ROBO1: variants seen among roughly 807,000 people sequenced by gnomAD.
ROBO1 encodes the protein roundabout homolog 1.
In ROBO1, 149 loss-of-function variants were observed where a neutral mutation model predicts 195.9. The ratio of observed to expected loss-of-function variants is 0.76; its 90% CI spans 0.67 to 0.87. The LOEUF (loss-of-function observed/expected upper bound fraction) is 0.87, where lower values mean the gene tolerates loss of function less well. Ranked by LOEUF, ROBO1 falls within the 40% of genes least tolerant of loss-of-function variation. The probability of loss-of-function intolerance (pLI) is 0.00; values close to 1 mark genes in which losing one functional copy is unlikely to be tolerated. For synonymous variants in ROBO1, 816 were observed against 733.2 expected (o/e 1.11, Z -1.82); for missense variants, 1,933 against 2,068.3 (o/e 0.93, Z 1.27).
At chr3:78,805,753 A>G (rs1207768497) in intron 4 of ROBO1, among the ~76,000 whole-genome samples, 2 of 152,140 alleles carry the variant, frequency 1.3e-5, no homozygotes, top group African/African-American at 2.4e-5. Flanking sequence ...GTTAAAATAT[A>G]CTCTAGATAT....
At chr3:79,763,620 G>T (rs905323370) in intron 1 of ROBO1, among the ~76,000 whole-genome samples, 2 of 152,084 alleles carry the variant, frequency 1.3e-5, no homozygotes, top group African/African-American at 4.8e-5. Flanking sequence ...TGGATCCTTA[G>T]CAGGCATCCT....
intron 4 of ROBO1, among the ~76,000 whole-genome samples, chr3:78,898,806 A>C: frequency 6.6e-6 from 1 of 152,176 alleles, no homozygotes; most frequent in Non-Finnish European, 1.5e-5. Flanking sequence ...AAGTCCATAC[A>C]TAAATTTTGT....
chr3:79,069,309 T>C (rs151194705), intron 3 of ROBO1, among the ~76,000 whole-genome samples: 168 of 152,008 alleles, frequency 1.1e-3, no homozygotes, highest in Middle Eastern at 3.4e-3. Context: ...CATTTATTGT[T>C]TTGGAACCTG....
At chr3:78,972,358 T>C (rs1057467665) in intron 3 of ROBO1, among the ~76,000 whole-genome samples, 2 of 152,192 alleles carry the variant, frequency 1.3e-5, no homozygotes, top group African/African-American at 2.4e-5. Context: ...CATAACATCA[T>C]ACCTTTCACA....
At chr3:79,174,267 C>A (rs560750639) in intron 2 of ROBO1, among the ~76,000 whole-genome samples, 1 of 151,904 alleles carries the variant, frequency 6.6e-6, no homozygotes, top group Non-Finnish European at 1.5e-5. Context: ...CTGAAGCCAG[C>A]GAGCCCACGA....
chr3:78,599,969 A>G (rs1559628432), intron 30 of ROBO1, 144 bp downstream of exon 30: 1 of 724,294 alleles, frequency 1.4e-6, no homozygotes, highest in Non-Finnish European at 2.4e-6. Context: ...AATTCTCAGA[A>G]CTTCAGTTTC....
intron 4 of ROBO1, among the ~76,000 whole-genome samples, chr3:78,872,735 A>C (rs1225246566): frequency 6.6e-6 from 1 of 152,186 alleles, no homozygotes; most frequent in Non-Finnish European, 1.5e-5. Flanking sequence ...TCACGTTATC[A>C]GTAAGCTCCC....
chr3:79,529,641 G>A (rs539453095), intron 2 of ROBO1, among the ~76,000 whole-genome samples: 2 of 152,324 alleles, frequency 1.3e-5, no homozygotes, highest in East Asian at 3.9e-4. Flanking sequence ...CAGGTGGGTA[G>A]TGGTAGTGTA....
intron 2 of ROBO1, among the ~76,000 whole-genome samples, chr3:79,129,791 T>G (rs967214793): frequency 1.3e-5 from 2 of 152,076 alleles, no homozygotes; most frequent in African/African-American, 4.8e-5. Context: ...CTAGGTTTTC[T>G]TCTAGGGTTT....
intron 2 of ROBO1, among the ~76,000 whole-genome samples, chr3:79,510,959 A>G (rs1180583749): frequency 6.6e-6 from 1 of 152,188 alleles, no homozygotes; most frequent in African/African-American, 2.4e-5. Context: ...CCTCAAAATC[A>G]TAATTGAGAT....
At chr3:79,020,451 G>A (rs1300974870) in intron 3 of ROBO1, among the ~76,000 whole-genome samples, 1 of 152,134 alleles carries the variant, frequency 6.6e-6, no homozygotes, top group Non-Finnish European at 1.5e-5. Context: ...CAGCACTTTG[G>A]GAGGCCCAAG....
intron 4 of ROBO1, among the ~76,000 whole-genome samples, chr3:78,915,355 C>T (rs990570942): frequency 3.9e-5 from 6 of 152,064 alleles, no homozygotes; most frequent in African/African-American, 1.2e-4. Context: ...TAATTTTAAC[C>T]GCTTCTGACA....
At chr3:79,133,910 C>T (rs1390586698) in intron 2 of ROBO1, among the ~76,000 whole-genome samples, 2 of 151,762 alleles carry the variant, frequency 1.3e-5, no homozygotes, top group Non-Finnish European at 2.9e-5. Flanking sequence ...ACAGACAGGA[C>T]CCTCAGCTGC....
chr3:79,461,980 T>C (rs1937663673), intron 2 of ROBO1, among the ~76,000 whole-genome samples: 1 of 151,968 alleles, frequency 6.6e-6, no homozygotes. Flanking sequence ...ATCATTTATA[T>C]ATTAAGTTAA....
intron 5 of ROBO1, among the ~76,000 whole-genome samples, chr3:78,725,031 G>A (rs2082130221): frequency 6.6e-6 from 1 of 152,122 alleles, no homozygotes; most frequent in South Asian, 2.1e-4. Flanking sequence ...AACATAATCC[G>A]GGTAGTGGAG....
In ROBO1 at chr3:78,632,712, C is replaced by T. The variant is rs144857418; in HGVS notation, c.3481+1223G>A. The stretch of plus-strand genomic sequence containing the variant: ...ATCTAGGTATCTAAGCTGAGGGATG[C>T]TGAAGGTCAATTAAAGATTAATAAC... On this transcript the variant is annotated intron_variant, in intron 24 of 30. Coordinates refer to ENST00000464233, the MANE Select transcript of ROBO1 (RefSeq NM_002941.4). Among the ~76,000 whole-genome samples, 664 of 152,172 alleles carry T rather than the reference C, an allele frequency of 4.4e-3. 4 individuals carry two copies. The highest frequency in any genetic ancestry group is 0.027 in the Middle Eastern group (8 of 294).
chr3:78,849,717 C>A (rs536359182), intron 4 of ROBO1, among the ~76,000 whole-genome samples: 1 of 151,898 alleles, frequency 6.6e-6, no homozygotes, highest in East Asian at 1.9e-4. Context: ...AGCATGTTCT[C>A]GGAGTAACAT....
At chr3:78,709,387 T>G (rs2108000481) in intron 8 of ROBO1, among the ~76,000 whole-genome samples, 1 of 152,216 alleles carries the variant, frequency 6.6e-6, no homozygotes, top group East Asian at 1.9e-4. Context: ...GTTAAAGGAA[T>G]CAGGATATTC....
chr3:79,689,062 T>A (rs2107059305), intron 1 of ROBO1, among the ~76,000 whole-genome samples: 1 of 152,106 alleles, frequency 6.6e-6, no homozygotes, highest in South Asian at 2.1e-4. Flanking sequence ...ATCTTTAACT[T>A]ACTGAACACG....
Sources: allele counts gnomAD v4.1 joint callset (sites outside exome capture counted in the v4.1 genomes callset), GRCh38; gene constraint gnomAD v4.1.1; transcripts MANE v1.5; gene names NCBI Gene and HGNC (gene_info 2026-07-23, HGNC 2026-07-21).